The following CHIC2 variants were observed in gnomAD, a reference collection of about 807,000 sequenced individuals.
The protein encoded by CHIC2 is cysteine-rich hydrophobic domain-containing protein 2.
Under a neutral mutation model 25.9 loss-of-function variants are expected in CHIC2, and 14 were observed. The observed-to-expected ratio is 0.54, with a 90% CI of 0.36 to 0.85. The LOEUF is 0.85. Ranked by LOEUF, CHIC2 falls within the 40% of genes least tolerant of loss-of-function variation. CHIC2 has a pLI of 0.01. For synonymous variants in CHIC2, 70 were observed against 72.0 expected, an observed-to-expected ratio of 0.97 and a Z score of 0.14; for missense variants, 146 against 202.0, an observed-to-expected ratio of 0.72 and a Z score of 1.68.
At chr4:54,065,208 A>C (rs1332510625), upstream of CHIC2, 1 of 561,542 alleles carries the variant, frequency 1.8e-6, no homozygotes, top group African/African-American at 2.0e-5. Flanking sequence ...CCTTAAGTAT[A>C]ATCCAATATA....
At chr4:54,084,122 A>G in the CHIC2 span, among the ~76,000 whole-genome samples, 1 of 152,176 alleles carries the variant, frequency 6.6e-6, no homozygotes, top group African/African-American at 2.4e-5. Flanking sequence ...GCATGCCACT[A>G]TCACACACTT....
chr4:54,031,777 G>A (rs1419367161), intron 3 of CHIC2, among the ~76,000 whole-genome samples: 1 of 151,856 alleles, frequency 6.6e-6, no homozygotes, highest in East Asian at 1.9e-4. Context: ...GTGTCACCAC[G>A]CCCAGCTAAT....
In CHIC2 at chr4:54,029,858, G is replaced by C. The variant is rs750886816; in HGVS notation, c.331-15739C>G. Among the ~76,000 whole-genome samples the C allele has an allele frequency of 4.3e-4, 66 of 152,160 alleles. 1 individual carries two copies. The highest frequency in any genetic ancestry group is 1.5e-4 in the Non-Finnish European group (10 of 67,982). ...TAGCTTTCTGCTTATGATTCCCCCA[G>C]GTTCACTTTCCTTTGAATTTCTTTA... On this transcript the variant is annotated intron_variant, in intron 3 of 5. Coordinates refer to ENST00000263921, the MANE Select transcript of CHIC2 (RefSeq NM_012110.4).
At chr4:54,091,004 G>A in the CHIC2 span, among the ~76,000 whole-genome samples, 2 of 151,870 alleles carry the variant, frequency 1.3e-5, no homozygotes, top group African/African-American at 4.8e-5. Context: ...TTGTTCTCAC[G>A]GTTTCCCAAG....
At chr4:54,014,250 G>A (rs1715679221) in intron 3 of CHIC2, 131 bp from the exon 4 acceptor site, 8 of 670,476 alleles carry the variant, frequency 1.2e-5, no homozygotes, top group Non-Finnish European at 2.1e-5. Context: ...CATCACTATC[G>A]ATGTTCTAAG....
At chr4:54,061,940 T>C (rs1717346844) in intron 1 of CHIC2, among the ~76,000 whole-genome samples, 1 of 152,190 alleles carries the variant, frequency 6.6e-6, no homozygotes, top group Admixed American at 6.5e-5. Flanking sequence ...TAGTACTTTG[T>C]TTTACACCTG....
At chr4:54,077,140 T>G in the CHIC2 span, among the ~76,000 whole-genome samples, 4 of 152,346 alleles carry the variant, frequency 2.6e-5, no homozygotes, top group South Asian at 2.1e-4. Context: ...ATTGAGGGTG[T>G]TGTTATTTTA....
chr4:54,044,964 G>A (rs1049905905), intron 3 of CHIC2, among the ~76,000 whole-genome samples: 1 of 151,706 alleles, frequency 6.6e-6, no homozygotes, highest in Non-Finnish European at 1.5e-5. Flanking sequence ...TGATAAAGGG[G>A]ATATCACCAC....
intron 1 of CHIC2, among the ~76,000 whole-genome samples, chr4:54,054,486 C>T (rs1717111161): frequency 6.6e-6 from 1 of 152,136 alleles, no homozygotes; most frequent in African/African-American, 2.4e-5. Flanking sequence ...TTCTGAGTTA[C>T]AGTGATATTT....
At chr4:54,038,471 C>T (rs531279812) in intron 3 of CHIC2, among the ~76,000 whole-genome samples, 4 of 151,954 alleles carry the variant, frequency 2.6e-5, no homozygotes, top group Non-Finnish European at 4.4e-5. Context: ...ACAAAAAAAA[C>T]GTCAAAGACC....
At chr4:54,025,539 A>G (rs1392369760) in intron 3 of CHIC2, among the ~76,000 whole-genome samples, 4 of 152,182 alleles carry the variant, frequency 2.6e-5, no homozygotes. Flanking sequence ...GCACGGATGC[A>G]TGAGACACTT....
At chr4:54,090,476 C>A in the CHIC2 span, among the ~76,000 whole-genome samples, 1 of 152,214 alleles carries the variant, frequency 6.6e-6, no homozygotes, top group Non-Finnish European at 1.5e-5. Context: ...TGAGCCACCA[C>A]AACCGGCCTA....
chr4:54,052,169 G>C (rs967431486), intron 1 of CHIC2, among the ~76,000 whole-genome samples: 1 of 151,996 alleles, frequency 6.6e-6, no homozygotes, highest in Non-Finnish European at 1.5e-5. Flanking sequence ...AATAGTAGCA[G>C]GTAGAATTTT....
chr4:54,087,120 TAGCTTCA>T, the CHIC2 span: 1 of 869,774 alleles, frequency 1.1e-6, no homozygotes, highest in Middle Eastern at 2.3e-4. Context: ...GAGAACTTCT[TAGCTTCA>T]GGATCCGTGA....
At chr4:54,051,228 T>C (rs756785920) in intron 1 of CHIC2, among the ~76,000 whole-genome samples, 2 of 152,008 alleles carry the variant, frequency 1.3e-5, no homozygotes, top group African/African-American at 2.4e-5. Flanking sequence ...CAGAACTACA[T>C]AGTCAATCAT....
chr4:54,087,157 A>G, the CHIC2 span: 19 of 764,448 alleles, frequency 2.5e-5, no homozygotes, highest in African/African-American at 2.8e-4. Context: ...GAAAGAACAA[A>G]CAGAGGACTC....
chr4:54,040,173 CTG>C (rs1472923542), intron 3 of CHIC2, among the ~76,000 whole-genome samples: 1 of 152,108 alleles, frequency 6.6e-6, no homozygotes, highest in Non-Finnish European at 1.5e-5. Context: ...AATCACAGAA[CTG>C]TTTATAAAAA....
At chr4:54,027,675 G>A (rs1233022897) in intron 3 of CHIC2, among the ~76,000 whole-genome samples, 1 of 152,228 alleles carries the variant, frequency 6.6e-6, no homozygotes, top group East Asian at 1.9e-4. Flanking sequence ...AAATGCCTAG[G>A]GCTAGATAAA....
the CHIC2 span, among the ~76,000 whole-genome samples, chr4:54,077,160 G>C: frequency 6.6e-6 from 1 of 152,128 alleles, no homozygotes; most frequent in Non-Finnish European, 1.5e-5. Flanking sequence ...AATCAGGATG[G>C]ACAAAATTCT....
Sources: gnomAD v4.1 joint callset for allele counts (sites outside exome capture counted in the v4.1 genomes callset) on GRCh38, gnomAD v4.1.1 for gene constraint, MANE v1.5 for transcripts, NCBI Gene and HGNC (gene_info 2026-07-23, HGNC 2026-07-21) for gene names.